Variants in WIPF1 observed in about 807,000 individuals in gnomAD.
The protein encoded by WIPF1 is WAS/WASL-interacting protein family member 1.
A neutral mutation model predicts 35.4 loss-of-function variants in WIPF1; 13 were observed. That is an observed-to-expected ratio of 0.37 (90% CI 0.24 to 0.58). WIPF1 has a LOEUF of 0.58. WIPF1 is among the 20% of genes least tolerant of loss of function. WIPF1 has a pLI of 0.74. For synonymous variants in WIPF1, 267 were observed against 266.3 expected, an observed-to-expected ratio of 1.00 and a Z score of -0.02; for missense variants, 591 against 667.0, an observed-to-expected ratio of 0.89 and a Z score of 1.25.
rs1357411748 is a variant in WIPF1, at chr2:174,572,169, C to A, written c.636G>T (p.Gln212His). Residue 212 changes from glutamine (Q) to histidine (H), a missense_variant, in exon 5 of 8, where the codon CAG (glutamine) becomes CAT (histidine). Coordinates refer to ENST00000679041, the MANE Select transcript of WIPF1 (RefSeq NM_001375834.1). ...GSPPVPGGPRQPSPGPTPPPF... is the reference protein window; with the variant it reads ...GSPPVPGGPRHPSPGPTPPPF... Reference sequence around the variant, plus strand: ...GGGGAGGAGTGGGCCCGGGGCTGGGCTGCCTGGGGCCTCCGGGCACTGGTG... The same window carrying A: ...GGGGAGGAGTGGGCCCGGGGCTGGGATGCCTGGGGCCTCCGGGCACTGGTG... The A allele has an allele frequency of 1.4e-5, 22 of 1,613,768 alleles. No individual in the cohort carries two copies. Among genetic ancestry groups the A allele is most frequent in the Non-Finnish European group, 1.9e-5 (22 of 1,179,926 alleles).
intron 1 of WIPF1, chr2:174,655,482 A>G (rs1687620900): frequency 1.3e-5 from 2 of 152,050 alleles, no homozygotes; most frequent in Non-Finnish European, 2.9e-5. Context: ...CATGCCTTTT[A>G]TTTTGCAAAC....
chr2:174,652,921 G>C (rs757920098), intron 1 of WIPF1, among the ~76,000 whole-genome samples: 1 of 151,858 alleles, frequency 6.6e-6, no homozygotes, highest in Non-Finnish European at 1.5e-5. Flanking sequence ...TAGTTCTGTT[G>C]GTCTGTTTTC....
At chr2:174,616,559 C>T (rs958679642) in intron 1 of WIPF1, among the ~76,000 whole-genome samples, 8 of 152,150 alleles carry the variant, frequency 5.3e-5, no homozygotes, top group African/African-American at 9.7e-5. Context: ...ACCTAAAGCA[C>T]TTGTTTGTCA....
rs947567803 is a variant in WIPF1, at chr2:174,560,493, G to A, written c.*2054C>T. On this transcript the variant is annotated 3_prime_UTR_variant, in exon 8 of 8. Transcript: ENST00000679041. ...AATGGGTCATTAGGCTTTATCATAG[G>A]GATGTTTTTCACTGTTGAAATCAGA... 3 of 152,498 alleles carry A rather than the reference G, an allele frequency of 2.0e-5. No homozygotes were observed. The highest frequency in any genetic ancestry group is 2.1e-4 in the South Asian group (1 of 4,830). The allele number at this position is 152,498 out of a possible 1,614,324, so 9.4% of individuals were successfully genotyped here.
At chr2:174,574,704 A>G in intron 4 of WIPF1, 2 of 610,556 alleles carry the variant, frequency 3.3e-6, no homozygotes, top group Non-Finnish European at 5.9e-6. Context: ...CCTGAGAACC[A>G]CTGGCACTGA....
chr2:174,674,634 A>T (rs751257803), intron 1 of WIPF1, among the ~76,000 whole-genome samples: 13 of 152,216 alleles, frequency 8.5e-5, no homozygotes, highest in Non-Finnish European at 1.8e-4. Flanking sequence ...TAAGCAAAAG[A>T]CAGGTAAGAA....
rs1365406388 is a variant in WIPF1, at chr2:174,595,647, G to A, written c.-39+1954C>T. ...CCACGAGAAAGAGAAACCATGAGCT[G>A]ATTTAAATCAGCCTATGTGTGTACA... On this transcript the variant is annotated intron_variant, in intron 1 of 7. Coordinates refer to ENST00000679041, the MANE Select transcript of WIPF1 (RefSeq NM_001375834.1). Among the ~76,000 whole-genome samples, 5 of 152,306 alleles carry A rather than the reference G, an allele frequency of 3.3e-5. No individual in the cohort carries two copies. In the East Asian group the frequency reaches 9.6e-4, roughly 29 times the overall value.
intron 1 of WIPF1, among the ~76,000 whole-genome samples, chr2:174,646,455 T>C (rs1687410583): frequency 6.6e-6 from 1 of 152,270 alleles, no homozygotes; most frequent in East Asian, 1.9e-4. Context: ...AACATGGAGA[T>C]AACTTTAGTA....
At chr2:174,580,291 C>CAA (rs1685193922) in intron 3 of WIPF1, among the ~76,000 whole-genome samples, 1 of 152,168 alleles carries the variant, frequency 6.6e-6, no homozygotes. Flanking sequence ...ACTCGCAGCA[C>CAA]TTTGCCCGGT....
intron 1 of WIPF1, among the ~76,000 whole-genome samples, chr2:174,641,961 T>C (rs1417301500): frequency 6.6e-6 from 1 of 152,202 alleles, no homozygotes; most frequent in East Asian, 1.9e-4. Context: ...GAAGCCAATA[T>C]ACAGGTTCAG....
At chr2:174,633,475 C>T (rs1454684887) in intron 1 of WIPF1, among the ~76,000 whole-genome samples, 2 of 152,186 alleles carry the variant, frequency 1.3e-5, no homozygotes, top group African/African-American at 4.8e-5. Context: ...GTATGTTTCC[C>T]AAAAACACCC....
chr2:174,661,847 T>C (rs888303536), intron 1 of WIPF1, among the ~76,000 whole-genome samples: 2 of 152,148 alleles, frequency 1.3e-5, no homozygotes, highest in Non-Finnish European at 1.5e-5. Flanking sequence ...TTCAACTCCA[T>C]GGGTCACTGG....
intron 1 of WIPF1, among the ~76,000 whole-genome samples, chr2:174,613,346 A>AT (rs1262485358): frequency 6.6e-6 from 1 of 152,170 alleles, no homozygotes; most frequent in Non-Finnish European, 1.5e-5. Flanking sequence ...CTAGTTTAGA[A>AT]TTTTTTTATG....
intron 1 of WIPF1, among the ~76,000 whole-genome samples, chr2:174,616,551 C>T (rs909650113): frequency 1.3e-5 from 2 of 152,052 alleles, no homozygotes; most frequent in African/African-American, 4.8e-5. Context: ...AAGAGGATAC[C>T]TAAAGCACTT....
At chr2:174,599,760 CTAAG>C (rs1271536686), upstream of WIPF1, among the ~76,000 whole-genome samples, 1 of 151,760 alleles carries the variant, frequency 6.6e-6, no homozygotes, top group Non-Finnish European at 1.5e-5. Flanking sequence ...TTGAAGTTCT[CTAAG>C]TAAGACACCC....
At chr2:174,668,772 G>GCAT (rs1559177646) in intron 1 of WIPF1, among the ~76,000 whole-genome samples, 1 of 152,214 alleles carries the variant, frequency 6.6e-6, no homozygotes, top group African/African-American at 2.4e-5. Context: ...AACAAACAGA[G>GCAT]GGACATGAAC....
chr2:174,647,496 C>G (rs1299295274), intron 1 of WIPF1, among the ~76,000 whole-genome samples: 2 of 152,036 alleles, frequency 1.3e-5, no homozygotes, highest in African/African-American at 4.8e-5. Flanking sequence ...GCCTCAGCCT[C>G]CTGAGTAGCT....
At chr2:174,645,605 G>C (rs1382830642) in intron 1 of WIPF1, among the ~76,000 whole-genome samples, 3 of 152,204 alleles carry the variant, frequency 2.0e-5, no homozygotes, top group African/African-American at 7.2e-5. Flanking sequence ...CTGACCCTTG[G>C]AACAGCTAAA....
At chr2:174,678,902 G>C (rs1688190698) in intron 1 of WIPF1, among the ~76,000 whole-genome samples, 2 of 152,230 alleles carry the variant, frequency 1.3e-5, no homozygotes, top group South Asian at 4.1e-4. Flanking sequence ...GTAAACTACA[G>C]ACAGCTAAGG....
Sources: gnomAD v4.1 joint callset for allele counts (sites outside exome capture counted in the v4.1 genomes callset) on GRCh38, gnomAD v4.1.1 for gene constraint, MANE v1.5 for transcripts, NCBI Gene and HGNC (gene_info 2026-07-23, HGNC 2026-07-21) for gene names.